Variants in TNS4 observed in about 807,000 individuals in gnomAD.
The protein encoded by TNS4 is tensin 4.
Under a neutral mutation model 70.4 loss-of-function variants are expected in TNS4, and 46 were observed. The ratio of observed to expected loss-of-function variants is 0.65; its 90% CI spans 0.52 to 0.84. TNS4 has a LOEUF of 0.84. Among genes scored for constraint, TNS4 ranks in the 40% least tolerant of loss-of-function variants. TNS4 has a pLI of 0.00. For missense variants in TNS4, 863 were observed against 907.0 expected (o/e 0.95, Z 0.62); for synonymous variants, 390 against 366.6 (o/e 1.06, Z -0.73).
At chr17:40,500,389 G>A (rs900938921) in intron 1 of TNS4, among the ~76,000 whole-genome samples, 3 of 152,140 alleles carry the variant, frequency 2.0e-5, no homozygotes, top group Admixed American at 6.5e-5. Context: ...TGCCCCCTTC[G>A]CGGCCCCGCA....
chr17:40,479,860 T>C lies in TNS4; in HGVS notation c.1742-18A>G. The C allele has an allele frequency of 1.3e-6, 2 of 1,597,786 alleles. No homozygotes were observed. Among genetic ancestry groups the C allele is most frequent in the Non-Finnish European group, 1.7e-6 (2 of 1,172,166 alleles). On this transcript the variant is annotated intron_variant, in intron 9 of 12. Transcript: ENST00000254051. ...GTGGCAGCCTGTGGGAGGCAGACACTGCGCTGGGGCCACTGACCCAGGGCC... is the reference window on the plus strand; with the variant it reads ...GTGGCAGCCTGTGGGAGGCAGACACCGCGCTGGGGCCACTGACCCAGGGCC...
intron 6 of TNS4, among the ~76,000 whole-genome samples, chr17:40,482,801 C>G (rs1300713720): frequency 6.6e-6 from 1 of 151,940 alleles, no homozygotes; most frequent in Admixed American, 6.6e-5. Flanking sequence ...AAAATTCCAC[C>G]TTGTCCATCC....
rs760085602 is a variant in TNS4, at chr17:40,477,564, TTA to T, written c.*22_*23del. On this transcript the variant is annotated 3_prime_UTR_variant, in exon 13 of 13. Coordinates refer to ENST00000254051, the MANE Select transcript of TNS4 (RefSeq NM_032865.6). Reference sequence around the variant, plus strand: ...CTTAGCGAGCCCCTGGAGGTGTTGGTTAGGTGCACAGGCAGTCTCTCCCCTAC... The same window carrying T: ...CTTAGCGAGCCCCTGGAGGTGTTGGTGGTGCACAGGCAGTCTCTCCCCTAC... 1.9e-6 allele frequency: 3 copies of T among 1,612,970 alleles called. No homozygotes were observed. Among genetic ancestry groups the T allele is most frequent in the Non-Finnish European group, 1.7e-6 (2 of 1,179,392 alleles).
Position 40,478,568 on chromosome 17 carries a change from C to T in TNS4, c.1979+12G>A, listed in dbSNP as rs761245334. The T allele has an allele frequency of 3.7e-6, 6 of 1,613,966 alleles. No individual in the cohort carries two copies. In the African/African-American group the frequency reaches 8.0e-5, roughly 22 times the overall value. On this transcript the variant is annotated intron_variant, in intron 11 of 12. Coordinates refer to ENST00000254051, the MANE Select transcript of TNS4 (RefSeq NM_032865.6). ...GGACAGCCTTCTTAGTTTGGCCCAG[C>T]CTTGAACTTACTTCCGTTGCTCAGG... is the stretch of plus-strand genomic sequence containing the variant.
intron 2 of TNS4, among the ~76,000 whole-genome samples, chr17:40,494,028 C>T (rs2036108813): frequency 6.6e-6 from 1 of 152,240 alleles, no homozygotes; most frequent in Non-Finnish European, 1.5e-5. Context: ...GTTTCTTTAA[C>T]AGGTCTGGCA....
intron 10 of TNS4, 122 bp downstream of exon 10, chr17:40,479,552 G>T: frequency 7.2e-6 from 9 of 1,244,624 alleles, no homozygotes; most frequent in African/African-American, 1.5e-5. Flanking sequence ...CACATCACTG[G>T]CCCCGCTGGG....
At chr17:40,489,260 A>G (rs569901928) in intron 2 of TNS4, among the ~76,000 whole-genome samples, 17 of 152,080 alleles carry the variant, frequency 1.1e-4, no homozygotes, top group Non-Finnish European at 1.9e-4. Context: ...AGTTTGGCCA[A>G]AAGACTTCAC....
In TNS4 at chr17:40,485,010, G is replaced by A. The variant is rs763381088; in HGVS notation, c.1289-3C>T. 2 of 1,614,044 alleles carry A rather than the reference G, an allele frequency of 1.2e-6. No individual in the cohort carries two copies. The highest frequency in any genetic ancestry group is 1.7e-6 in the Non-Finnish European group (2 of 1,179,938). ...GGGCTGCATGTCCCTGGCGGGACCT[G>A]GAGACAGACAGAGAAGGGGGACCCT... On this transcript the variant is annotated splice_region_variant and splice_polypyrimidine_tract_variant and intron_variant, in intron 4 of 12. Coordinates refer to ENST00000254051, the MANE Select transcript of TNS4 (RefSeq NM_032865.6).
At chr17:40,500,077 G>A (rs2036192848) in intron 1 of TNS4, among the ~76,000 whole-genome samples, 1 of 152,200 alleles carries the variant, frequency 6.6e-6, no homozygotes, top group Admixed American at 6.5e-5. Context: ...TTGCTGCAGG[G>A]CTGGAGAGGT....
chr17:40,480,320 C>T (rs2035905043), intron 9 of TNS4, among the ~76,000 whole-genome samples: 1 of 152,112 alleles, frequency 6.6e-6, no homozygotes. Context: ...GGACCTTTCC[C>T]CTGGTGAAGG....
intron 10 of TNS4, among the ~76,000 whole-genome samples, chr17:40,479,241 G>C (rs1332990029): frequency 6.6e-6 from 1 of 152,228 alleles, no homozygotes; most frequent in Non-Finnish European, 1.5e-5. Flanking sequence ...TCCGCCTCCT[G>C]GGTTCAAGCA....
chr17:40,489,307 G>A (rs8081819), intron 2 of TNS4, among the ~76,000 whole-genome samples: 1 of 151,888 alleles, frequency 6.6e-6, no homozygotes, highest in Non-Finnish European at 1.5e-5. Flanking sequence ...GTAAAGTGGG[G>A]CAACTGCATT....
chr17:40,485,989 C>T (rs1278780385), intron 4 of TNS4, among the ~76,000 whole-genome samples: 2 of 152,210 alleles, frequency 1.3e-5, no homozygotes, highest in African/African-American at 2.4e-5. Flanking sequence ...AACATTCCAC[C>T]CCCACCCCCT....
chr17:40,480,677 G>C (rs749020397), intron 9 of TNS4, 23 bp downstream of exon 9: 1 of 1,498,200 alleles, frequency 6.7e-7, no homozygotes, highest in African/African-American at 1.5e-5. Context: ...CAAGCTTGGC[G>C]CCTCCCTTCC....
intron 2 of TNS4, among the ~76,000 whole-genome samples, chr17:40,490,498 C>T (rs1037756973): frequency 2.6e-5 from 4 of 152,228 alleles, no homozygotes; most frequent in African/African-American, 9.6e-5. Flanking sequence ...CGTGCACCCT[C>T]AGCTCCCACC....
chr17:40,498,006 T>C (rs1337687601), intron 1 of TNS4, among the ~76,000 whole-genome samples: 1 of 152,158 alleles, frequency 6.6e-6, no homozygotes, highest in African/African-American at 2.4e-5. Flanking sequence ...AGGTAAGAAG[T>C]TCTGGGACTG....
chr17:40,487,912 C>T (rs1257443997), intron 3 of TNS4, among the ~76,000 whole-genome samples: 1 of 152,256 alleles, frequency 6.6e-6, no homozygotes, highest in Non-Finnish European at 1.5e-5. Flanking sequence ...TCCAGCCAGA[C>T]TTCTTCCTGA....
chr17:40,500,323 G>A lies in TNS4; in HGVS notation c.-96+1211C>T, dbSNP rs114863637. 3.9e-3 allele frequency among the ~76,000 whole-genome samples: 588 copies of A among 152,310 alleles called. 3 individuals carry two copies. Among genetic ancestry groups the A allele is most frequent in the African/African-American group, 0.014 (568 of 41,574 alleles). ...CCTCCCCTCACTTTTAAGGCTCTGC[G>A]TCGCCCTTGGATGTACCAAGGCAGG... On this transcript the variant is annotated intron_variant, in intron 1 of 12. Transcript: ENST00000254051.
intron 5 of TNS4, 120 bp downstream of exon 5, chr17:40,484,801 C>T: frequency 7.3e-7 from 1 of 1,368,180 alleles, no homozygotes; most frequent in Non-Finnish European, 1.0e-6. Flanking sequence ...AGCAGGACAT[C>T]CCCCTCCCCC....
Sources: allele counts gnomAD v4.1 joint callset (sites outside exome capture counted in the v4.1 genomes callset), GRCh38; gene constraint gnomAD v4.1.1; transcripts MANE v1.5; gene names NCBI Gene and HGNC (gene_info 2026-07-23, HGNC 2026-07-21).